The following IGFBP2 variants were observed in gnomAD, a reference collection of about 807,000 sequenced individuals.
IGFBP2 encodes insulin-like growth factor-binding protein 2.
IGFBP2 carries 12 observed loss-of-function variants against 26.2 expected under a neutral mutation model. The observed-to-expected ratio is 0.46, with a 90% CI of 0.29 to 0.74. The LOEUF is 0.74. IGFBP2 is among the 30% of genes least tolerant of loss of function. The pLI, the probability that IGFBP2 is intolerant of heterozygous loss-of-function variation, is 0.09. For synonymous variants in IGFBP2, 189 were observed against 200.6 expected, an observed-to-expected ratio of 0.94 and a Z score of 0.49; for missense variants, 328 against 441.2, an observed-to-expected ratio of 0.74 and a Z score of 2.30.
At chr2:216,643,025 G>A (rs1436564477) in intron 1 of IGFBP2, among the ~76,000 whole-genome samples, 1 of 152,168 alleles carries the variant, frequency 6.6e-6, no homozygotes, top group Admixed American at 6.5e-5. Context: ...AGCACATTTA[G>A]CACATATGGC....
At chr2:216,643,462 G>A (rs1559175900) in intron 1 of IGFBP2, among the ~76,000 whole-genome samples, 1 of 152,190 alleles carries the variant, frequency 6.6e-6, no homozygotes, top group South Asian at 2.1e-4. Flanking sequence ...AGAGAAGGCG[G>A]ATGCTTGAGT....
intron 2 of IGFBP2, chr2:216,661,622 GGA>G: frequency 3.3e-6 from 2 of 605,150 alleles, no homozygotes; most frequent in Non-Finnish European, 6.0e-6. Context: ...CACAGAACAA[GGA>G]GAGGAGTGAA....
intron 1 of IGFBP2, among the ~76,000 whole-genome samples, chr2:216,637,722 C>T (rs543738233): frequency 9.9e-5 from 15 of 152,256 alleles, no homozygotes; most frequent in African/African-American, 2.6e-4. Context: ...GTTGTATTCC[C>T]GAGGGTCTGC....
intron 1 of IGFBP2, among the ~76,000 whole-genome samples, chr2:216,647,583 G>A (rs997718143): frequency 6.6e-6 from 1 of 152,188 alleles, no homozygotes; most frequent in Non-Finnish European, 1.5e-5. Context: ...GCAGTGGCGT[G>A]ATCTCGGCTT....
At position 216,658,970 on chromosome 2, in the gene IGFBP2, G is replaced by A. The variant is rs192736486; in HGVS notation, c.443-1587G>A. On this transcript the variant is annotated intron_variant, in intron 1 of 3. Transcript: ENST00000233809. ...TAGAGGCACAGAGAGGGTCTGTGTG[G>A]GGAGAACACGTGCAGCTGATATAGA... 2.2e-4 allele frequency among the ~76,000 whole-genome samples: 34 copies of A among 152,308 alleles called. No individual in the cohort carries two copies. The East Asian group carries it at 5.0e-3, about 22-fold the overall frequency.
intron 2 of IGFBP2, chr2:216,661,118 CCT>C (rs1688637609): frequency 2.9e-6 from 1 of 340,304 alleles, no homozygotes; most frequent in Non-Finnish European, 5.5e-6. Context: ...TTTTCCTCCC[CCT>C]GAGATGGGGT....
Position 216,661,851 on chromosome 2 carries a change from C to G in IGFBP2, c.673-7C>G. ...CTCCGGGCGTCCCCTGCTGTCTGTG[C>G]GTGCAGACTCCCTGCCAACAGGAAC... On this transcript the variant is annotated splice_region_variant and splice_polypyrimidine_tract_variant and intron_variant, in intron 2 of 3. Coordinates refer to ENST00000233809, the MANE Select transcript of IGFBP2 (RefSeq NM_000597.3). 4.3e-6 allele frequency: 7 copies of G among 1,614,028 alleles called. No homozygotes were observed. Among genetic ancestry groups the G allele is most frequent in the Non-Finnish European group, 5.9e-6 (7 of 1,179,990 alleles).
chr2:216,660,076 A>G (rs1276105736), intron 1 of IGFBP2, among the ~76,000 whole-genome samples: 1 of 152,126 alleles, frequency 6.6e-6, no homozygotes, highest in African/African-American at 2.4e-5. Flanking sequence ...CCAGACCACA[A>G]ATGAAGAACT....
intron 1 of IGFBP2, among the ~76,000 whole-genome samples, chr2:216,653,927 ACCATTT>A (rs1697872078): frequency 2.0e-5 from 3 of 152,294 alleles, no homozygotes; most frequent in African/African-American, 7.2e-5. Context: ...GTTTCTATCA[ACCATTT>A]CTAAGCCCAT....
In IGFBP2 at chr2:216,633,892, G is replaced by T. The variant is rs746506331; in HGVS notation, c.369G>T (p.Ala123=). The T allele has an allele frequency of 1.9e-6, 3 of 1,591,868 alleles. No homozygotes were observed. The highest frequency in any genetic ancestry group is 2.3e-5 in the East Asian group (1 of 43,908). ...CGGGCTCCGAGCTGCCCCTGCAGGC[G>T]CTGGTCATGGGCGAGGGCACTTGTG... ...PHPGSELPLQ[A]LVMGEGTCEK... is the part of the protein sequence containing the mutation. Residue 123 remains alanine, a synonymous_variant, in exon 1 of 4, where the codon GCG becomes GCT. Transcript: ENST00000233809.
intron 1 of IGFBP2, among the ~76,000 whole-genome samples, chr2:216,654,790 T>C (rs905366067): frequency 3.3e-5 from 5 of 152,168 alleles, no homozygotes; most frequent in African/African-American, 1.2e-4. Context: ...TTGGCACTGC[T>C]GAGATCAATA....
At chr2:216,634,058 G>C in intron 1 of IGFBP2, 93 bp downstream of exon 1, 1 of 1,442,834 alleles carries the variant, frequency 6.9e-7, no homozygotes, top group South Asian at 1.4e-5. Flanking sequence ...TTTTAGGGGC[G>C]GCAGAGCCGA....
chr2:216,658,791 A>T (rs1436718233), intron 1 of IGFBP2, among the ~76,000 whole-genome samples: 1 of 152,114 alleles, frequency 6.6e-6, no homozygotes, highest in Non-Finnish European at 1.5e-5. Flanking sequence ...ACCTCAAGTG[A>T]TCCACATGCC....
At chr2:216,642,953 A>C (rs565722542) in intron 1 of IGFBP2, among the ~76,000 whole-genome samples, 1 of 152,282 alleles carries the variant, frequency 6.6e-6, no homozygotes, top group South Asian at 2.1e-4. Context: ...CTCCAGGGGA[A>C]GTCTGCAAGG....
chr2:216,660,809 G>A lies in IGFBP2; in HGVS notation c.672+23G>A, dbSNP rs759283384. On this transcript the variant is annotated intron_variant, in intron 2 of 3. Transcript: ENST00000233809. ...AGGGTCAGTGAGGGTCAGGTCTGGT[G>A]GAAGGGGTGGGAGGACAAGGAAAGT... 22 of 1,538,264 alleles carry A rather than the reference G, an allele frequency of 1.4e-5. No homozygotes were observed. In the South Asian group the frequency reaches 2.4e-4, roughly 17 times the overall value.
intron 1 of IGFBP2, among the ~76,000 whole-genome samples, chr2:216,643,665 TA>T (rs35784683): frequency 0.093 from 13,337 of 143,872 alleles, 696 homozygotes; most frequent in African/African-American, 0.15. Flanking sequence ...GCTGATGAGC[TA>T]AAAAAAAAAA....
intron 1 of IGFBP2, among the ~76,000 whole-genome samples, chr2:216,657,148 T>C (rs1697936000): frequency 1.3e-5 from 2 of 152,144 alleles, no homozygotes; most frequent in South Asian, 2.1e-4. Context: ...GGGGAGACTT[T>C]CTAGCTACTT....
chr2:216,662,056 G>A, intron 3 of IGFBP2, 58 bp downstream of exon 3: 2 of 1,588,440 alleles, frequency 1.3e-6, no homozygotes, highest in Non-Finnish European at 1.7e-6. Flanking sequence ...GGCCCCAGAT[G>A]TGCCTTGTTT....
At chr2:216,644,379 G>C (rs1010384214) in intron 1 of IGFBP2, among the ~76,000 whole-genome samples, 1 of 152,152 alleles carries the variant, frequency 6.6e-6, no homozygotes, top group Non-Finnish European at 1.5e-5. Flanking sequence ...AGCCTGGGGA[G>C]GTTTCTAATT....
Sources: gnomAD v4.1 joint callset for allele counts (sites outside exome capture counted in the v4.1 genomes callset) on GRCh38, gnomAD v4.1.1 for gene constraint, MANE v1.5 for transcripts, NCBI Gene and HGNC (gene_info 2026-07-23, HGNC 2026-07-21) for gene names.